The following IGSF10 variants were observed in gnomAD, a reference collection of about 807,000 sequenced individuals.
IGSF10 encodes the protein immunoglobulin superfamily member 10, also known as calvaria mechanical force protein 608.
A neutral mutation model predicts 128.2 loss-of-function variants in IGSF10; 126 were observed. The observed-to-expected ratio is 0.98, with a 90% CI of 0.85 to 1.14. The LOEUF is 1.14. IGSF10 is among the 50% of genes most tolerant of loss of function. IGSF10 has a pLI of 0.00. For synonymous variants in IGSF10, 1,185 were observed against 1,146.2 expected (o/e 1.03, Z -0.68); for missense variants, 3,295 against 3,149.8 (o/e 1.05, Z -1.10).
chr3:151,582,292 C>CGGGGG, the IGSF10 span, among the ~76,000 whole-genome samples: 10 of 39,384 alleles, frequency 2.5e-4, no homozygotes, highest in South Asian at 3.5e-3. Flanking sequence ...TAAAAATATC[C>CGGGGG]GGGGGGGGGG....
the IGSF10 span, among the ~76,000 whole-genome samples, chr3:151,594,644 A>T: frequency 6.8e-6 from 1 of 146,702 alleles, no homozygotes; most frequent in African/African-American, 2.5e-5. Flanking sequence ...TTTTTTATCA[A>T]CTCTTAGAAT....
At chr3:151,549,795 G>T in the IGSF10 span, among the ~76,000 whole-genome samples, 1 of 152,062 alleles carries the variant, frequency 6.6e-6, no homozygotes, top group East Asian at 1.9e-4. Flanking sequence ...TACATCAAAG[G>T]AATCTCTACA....
the IGSF10 span, among the ~76,000 whole-genome samples, chr3:151,492,345 G>T: frequency 2.0e-5 from 3 of 152,132 alleles, no homozygotes; most frequent in African/African-American, 7.2e-5. Context: ...CATCAAAAAG[G>T]CAAGAAATCA....
the IGSF10 span, among the ~76,000 whole-genome samples, chr3:151,582,292 C>CGG: frequency 0.31 from 11,933 of 38,844 alleles, 2,373 homozygotes; most frequent in South Asian, 0.44. Context: ...TAAAAATATC[C>CGG]GGGGGGGGGG....
At chr3:151,468,711 T>C in the IGSF10 span, among the ~76,000 whole-genome samples, 1 of 152,090 alleles carries the variant, frequency 6.6e-6, no homozygotes, top group South Asian at 2.1e-4. Context: ...GTAAAAAGGG[T>C]CATTTTTGTG....
chr3:151,566,008 G>T, the IGSF10 span: 1 of 153,246 alleles, frequency 6.5e-6, no homozygotes, highest in South Asian at 2.1e-4. Context: ...TGGGGAGTAG[G>T]CAGGGGTCCA....
intron 7 of IGSF10, 142 bp downstream of exon 7, chr3:151,442,837 GTTTTT>G (rs927143447): frequency 1.7e-6 from 1 of 573,902 alleles, no homozygotes; most frequent in Non-Finnish European, 2.8e-6. Flanking sequence ...CAAAAGATTA[GTTTTT>G]TTTGAGAGAG....
chr3:151,455,015 A>G (rs1721713134), intron 4 of IGSF10, among the ~76,000 whole-genome samples: 2 of 152,148 alleles, frequency 1.3e-5, no homozygotes, highest in Admixed American at 1.3e-4. Flanking sequence ...CAAAAAAATA[A>G]TTTAAAAGTG....
the IGSF10 span, among the ~76,000 whole-genome samples, chr3:151,467,881 CAAAAAAA>C: frequency 1.8e-5 from 2 of 113,308 alleles, no homozygotes; most frequent in African/African-American, 3.5e-5. Flanking sequence ...GACTCCATCT[CAAAAAAA>C]AAAAGAAAAA....
chr3:151,502,324 A>C, the IGSF10 span, among the ~76,000 whole-genome samples: 1 of 152,072 alleles, frequency 6.6e-6, no homozygotes. Context: ...TTCACAGTAA[A>C]AATCTTAATG....
the IGSF10 span, among the ~76,000 whole-genome samples, chr3:151,584,671 C>A: frequency 6.6e-6 from 1 of 152,170 alleles, no homozygotes; most frequent in Non-Finnish European, 1.5e-5. Context: ...CAGGTGGAGG[C>A]TGGTTTTAGC....
In IGSF10 at chr3:151,444,918, C is replaced by T; in HGVS notation, c.5062+1G>A. 1 of 1,587,150 alleles carries T rather than the reference C, an allele frequency of 6.3e-7. No homozygotes were observed. The highest frequency in any genetic ancestry group is 8.5e-7 in the Non-Finnish European group (1 of 1,170,384). On this transcript the variant is annotated splice_donor_variant, in intron 6 of 7. Transcript: ENST00000282466. LOFTEE classifies it high-confidence loss of function. ...AAGTGTAAAGAAAAAGTTTCACATA[C>T]CTGATGGGACTCTGGTCCAATGAAT...
At chr3:151,608,538 G>T in the IGSF10 span, among the ~76,000 whole-genome samples, 1 of 152,102 alleles carries the variant, frequency 6.6e-6, no homozygotes. Context: ...CTTCTCTCTG[G>T]TTTCTTCATA....
At chr3:151,593,542 T>C in the IGSF10 span, among the ~76,000 whole-genome samples, 1 of 152,024 alleles carries the variant, frequency 6.6e-6, no homozygotes, top group Non-Finnish European at 1.5e-5. Flanking sequence ...TTTTGGGATA[T>C]TTCACCAATG....
chr3:151,607,912 G>A, the IGSF10 span, among the ~76,000 whole-genome samples: 2 of 42,064 alleles, frequency 4.8e-5, no homozygotes, highest in African/African-American at 1.1e-4. Flanking sequence ...CTCCATCTCG[G>A]AAAAAAAAAA....
chr3:151,531,488 C>G, the IGSF10 span, among the ~76,000 whole-genome samples: 1 of 152,198 alleles, frequency 6.6e-6, no homozygotes, highest in East Asian at 1.9e-4. Flanking sequence ...AACAGTCTCT[C>G]AGACCACAGT....
At chr3:151,474,256 A>C in the IGSF10 span, among the ~76,000 whole-genome samples, 2 of 152,158 alleles carry the variant, frequency 1.3e-5, no homozygotes, top group African/African-American at 2.4e-5. Context: ...TTTCGTTACT[A>C]CAGAAAGCTT....
the IGSF10 span, among the ~76,000 whole-genome samples, chr3:151,552,515 C>A: frequency 6.6e-6 from 1 of 151,996 alleles, no homozygotes; most frequent in Non-Finnish European, 1.5e-5. Context: ...AGAGGGAGGG[C>A]ATTAAGATCA....
At chr3:151,453,847 A>G in intron 4 of IGSF10, 73 bp from the exon 5 acceptor site, 1 of 899,770 alleles carries the variant, frequency 1.1e-6, no homozygotes, top group Non-Finnish European at 1.7e-6. Context: ...CCTATCAATA[A>G]CAAAACTTAT....
Sources: allele counts gnomAD v4.1 joint callset (sites outside exome capture counted in the v4.1 genomes callset), GRCh38; gene constraint gnomAD v4.1.1; transcripts MANE v1.5; gene names NCBI Gene and HGNC (gene_info 2026-07-23, HGNC 2026-07-21).